The following ADGRV1 variants were observed in gnomAD, a reference collection of about 807,000 sequenced individuals.
The protein encoded by ADGRV1 is G-protein coupled receptor 98.
Under a neutral mutation model 596.2 loss-of-function variants are expected in ADGRV1, and 359 were observed. That is an observed-to-expected ratio of 0.60 (90% CI 0.55 to 0.66). ADGRV1 has a LOEUF of 0.66. ADGRV1 is among the 30% of genes least tolerant of loss of function. The probability of loss-of-function intolerance (pLI) is 0.00; values close to 1 mark genes in which losing one functional copy is unlikely to be tolerated. For missense variants in ADGRV1, 7,274 were observed against 7,575.6 expected (o/e 0.96, Z 1.48); for synonymous variants, 2,681 against 2,679.2 (o/e 1.00, Z -0.02).
chr5:91,084,873 T>TA (rs1224836179), intron 86 of ADGRV1, among the ~76,000 whole-genome samples: 1 of 152,134 alleles, frequency 6.6e-6, no homozygotes, highest in Non-Finnish European at 1.5e-5. Flanking sequence ...ATGTGGCACA[T>TA]ATACACCATG....
At chr5:90,668,658 C>T (rs1045223351) in intron 21 of ADGRV1, among the ~76,000 whole-genome samples, 23 of 152,112 alleles carry the variant, frequency 1.5e-4, no homozygotes, top group Middle Eastern at 3.4e-3. Flanking sequence ...TTTTAATGGA[C>T]GCTTGACATT....
chr5:90,944,403 A>C (rs561695877), intron 83 of ADGRV1, among the ~76,000 whole-genome samples: 66 of 152,304 alleles, frequency 4.3e-4, no homozygotes, highest in African/African-American at 1.6e-3. Context: ...TACTTGAAGA[A>C]AAAGAGGAAA....
intron 84 of ADGRV1, among the ~76,000 whole-genome samples, chr5:90,970,424 T>A (rs1465950992): frequency 6.6e-6 from 1 of 152,096 alleles, no homozygotes; most frequent in Non-Finnish European, 1.5e-5. Context: ...ACAGACTGCC[T>A]CCTCAAGTGG....
chr5:91,151,601 A>G (rs936371074), intron 88 of ADGRV1, among the ~76,000 whole-genome samples: 5 of 152,218 alleles, frequency 3.3e-5, no homozygotes, highest in African/African-American at 9.7e-5. Flanking sequence ...TCAGAAATGA[A>G]TCTTAAAATT....
intron 10 of ADGRV1, among the ~76,000 whole-genome samples, chr5:90,636,118 A>G (rs1401464372): frequency 1.3e-5 from 2 of 152,038 alleles, no homozygotes; most frequent in East Asian, 3.9e-4. Context: ...GCATATAGAC[A>G]TACAAAACGT....
At chr5:91,012,764 G>A (rs1263055770) in intron 85 of ADGRV1, among the ~76,000 whole-genome samples, 2 of 151,942 alleles carry the variant, frequency 1.3e-5, no homozygotes, top group Non-Finnish European at 1.5e-5. Flanking sequence ...GGGTACATGT[G>A]AAGGTTTGTT....
At chr5:90,756,888 T>C (rs1755886542) in intron 56 of ADGRV1, 91 bp from the exon 57 acceptor site, 5 of 1,098,000 alleles carry the variant, frequency 4.6e-6, no homozygotes, top group African/African-American at 3.1e-5. Context: ...GGGTGAAATA[T>C]AGAAAGTTAA....
At chr5:90,850,207 C>T (rs1047262849) in intron 79 of ADGRV1, among the ~76,000 whole-genome samples, 1 of 152,220 alleles carries the variant, frequency 6.6e-6, no homozygotes, top group African/African-American at 2.4e-5. Context: ...CCTATACTTT[C>T]ATCCCAGATC....
chr5:91,110,207 T>C (rs1291029434), intron 87 of ADGRV1, among the ~76,000 whole-genome samples: 5 of 152,220 alleles, frequency 3.3e-5, no homozygotes, highest in Non-Finnish European at 5.9e-5. Context: ...TCTTAAACTA[T>C]TCAGGCCAAG....
chr5:91,084,688 A>G (rs1207452606), intron 86 of ADGRV1, among the ~76,000 whole-genome samples: 1 of 152,206 alleles, frequency 6.6e-6, no homozygotes, highest in Non-Finnish European at 1.5e-5. Flanking sequence ...TCAAGGATCT[A>G]AAACTAGAAA....
intron 85 of ADGRV1, among the ~76,000 whole-genome samples, chr5:90,993,154 CTTTTTTT>C (rs1235025923): frequency 1.8e-4 from 18 of 97,666 alleles, no homozygotes; most frequent in East Asian, 8.8e-4. Flanking sequence ...TTGGTTTTCA[CTTTTTTT>C]TTTTTTTTTT....
In ADGRV1 at chr5:90,622,541, G is replaced by A. The variant is rs73181620; in HGVS notation, c.454-56G>A. The A allele has an allele frequency of 3.0e-3, 2,088 of 697,156 alleles. 32 individuals carry two copies. In the African/African-American group the frequency reaches 0.035, roughly 12 times the overall value. The allele number at this position is 697,156 out of a possible 1,614,324, so 43.2% of individuals were successfully genotyped here. A position where few individuals can be genotyped will look rare whatever the true frequency, so the allele number is the denominator to read the frequency against. On this transcript the variant is annotated intron_variant, in intron 4 of 89. Coordinates refer to ENST00000405460, the MANE Select transcript of ADGRV1 (RefSeq NM_032119.4). ...CGTTTCTGAGGTAATAGTTTTTACC[G>A]CCTCATACCTCTGATTGCTCAGCTC...
intron 52 of ADGRV1, among the ~76,000 whole-genome samples, chr5:90,750,324 ATAAT>A (rs1755098173): frequency 1.3e-5 from 2 of 152,222 alleles, no homozygotes; most frequent in African/African-American, 4.8e-5. Context: ...TAATCCTAAA[ATAAT>A]TAACATTTTT....
chr5:90,660,599 G>C (rs1343686941), intron 21 of ADGRV1, among the ~76,000 whole-genome samples: 1 of 152,192 alleles, frequency 6.6e-6, no homozygotes, highest in Non-Finnish European at 1.5e-5. Context: ...GCTGGGCACA[G>C]TGGCTCACGC....
intron 5 of ADGRV1, 64 bp downstream of exon 5, chr5:90,622,765 C>A: frequency 1.3e-6 from 1 of 788,254 alleles, no homozygotes. Flanking sequence ...ATTTTTGAGA[C>A]AGTCTTGCTC....
intron 85 of ADGRV1, among the ~76,000 whole-genome samples, chr5:91,067,994 A>G (rs924819061): frequency 1.3e-5 from 2 of 152,150 alleles, no homozygotes; most frequent in Non-Finnish European, 2.9e-5. Context: ...CATACAGATG[A>G]GTGTTCAGGT....
chr5:90,595,926 G>C (rs1341060538), intron 1 of ADGRV1, among the ~76,000 whole-genome samples: 2 of 151,124 alleles, frequency 1.3e-5, no homozygotes, highest in Admixed American at 1.3e-4. Context: ...GGTGGCTGCC[G>C]GGCGGAGACG....
At chr5:90,894,529 AT>A (rs1231451069) in intron 83 of ADGRV1, among the ~76,000 whole-genome samples, 2 of 152,156 alleles carry the variant, frequency 1.3e-5, no homozygotes, top group Non-Finnish European at 2.9e-5. Flanking sequence ...AACTGAGCAG[AT>A]TAACAAATTT....
At chr5:91,147,833 A>C (rs1280269671) in intron 87 of ADGRV1, among the ~76,000 whole-genome samples, 2 of 152,186 alleles carry the variant, frequency 1.3e-5, no homozygotes, top group African/African-American at 4.8e-5. Flanking sequence ...GAGGGCTCAG[A>C]AGAAGACAGG....
Sources: allele counts gnomAD v4.1 joint callset (sites outside exome capture counted in the v4.1 genomes callset), GRCh38; gene constraint gnomAD v4.1.1; transcripts MANE v1.5; gene names NCBI Gene and HGNC (gene_info 2026-07-23, HGNC 2026-07-21).